The following PPP3CC variants were observed in gnomAD, a reference collection of about 807,000 sequenced individuals.
PPP3CC encodes the protein protein phosphatase 3 catalytic subunit gamma, also known as serine/threonine-protein phosphatase 2B catalytic subunit gamma isoform.
PPP3CC carries 35 observed loss-of-function variants against 60.3 expected under a neutral mutation model. The observed-to-expected ratio is 0.58, with a 90% CI of 0.44 to 0.77. PPP3CC has a LOEUF of 0.77. PPP3CC is among the 30% of genes least tolerant of loss of function. The pLI is 0.00. For missense variants in PPP3CC, 570 were observed against 628.9 expected (o/e 0.91, Z 1.00); for synonymous variants, 206 against 224.3 (o/e 0.92, Z 0.73).
intron 3 of PPP3CC, among the ~76,000 whole-genome samples, chr8:22,496,555 C>T (rs574763244): frequency 3.3e-5 from 4 of 121,728 alleles, no homozygotes; most frequent in South Asian, 2.7e-4. Context: ...TGGAGTGCAG[C>T]GGTATGATCT....
At chr8:22,502,059 C>T (rs2449348) in intron 4 of PPP3CC, among the ~76,000 whole-genome samples, 66,514 of 151,866 alleles carry the variant, frequency 0.44, 14,767 homozygotes, top group East Asian at 0.6. Flanking sequence ...TAAATGTTCA[C>T]CTGATTAGAT....
intron 4 of PPP3CC, among the ~76,000 whole-genome samples, chr8:22,506,231 T>G (rs529191092): frequency 1.1e-3 from 163 of 151,204 alleles, no homozygotes; most frequent in African/African-American, 3.7e-3. Context: ...AGCCCAAGAG[T>G]TTGAGACCAT....
intron 10 of PPP3CC, among the ~76,000 whole-genome samples, chr8:22,529,940 G>T (rs1056396818): frequency 3.3e-5 from 5 of 152,160 alleles, no homozygotes; most frequent in African/African-American, 1.2e-4. Flanking sequence ...AGAGATTCTG[G>T]AAAAGTGGTG....
chr8:22,499,266 C>T (rs1425195764), intron 4 of PPP3CC, among the ~76,000 whole-genome samples: 4 of 150,302 alleles, frequency 2.7e-5, no homozygotes, highest in East Asian at 3.9e-4. Context: ...GGTGAAACCC[C>T]GTCTCTACTA....
At chr8:22,488,176 A>G (rs181870017) in intron 3 of PPP3CC, among the ~76,000 whole-genome samples, 242 of 152,300 alleles carry the variant, frequency 1.6e-3, no homozygotes, top group African/African-American at 5.6e-3. Context: ...AGGTAGGTAT[A>G]GAAAAGAGAA....
At chr8:22,448,890 A>G (rs1045602146) in intron 1 of PPP3CC, among the ~76,000 whole-genome samples, 1 of 152,240 alleles carries the variant, frequency 6.6e-6, no homozygotes, top group Non-Finnish European at 1.5e-5. Flanking sequence ...AGGTAAGAGC[A>G]TATGGGTGTT....
chr8:22,514,223 G>C (rs1490898708), intron 6 of PPP3CC, among the ~76,000 whole-genome samples: 2 of 130,708 alleles, frequency 1.5e-5, no homozygotes, highest in African/African-American at 3.0e-5. Context: ...ACACCAACCT[G>C]TGCAACAGAG....
intron 1 of PPP3CC, among the ~76,000 whole-genome samples, chr8:22,448,819 A>G (rs918340053): frequency 8.1e-5 from 12 of 148,092 alleles, no homozygotes; most frequent in African/African-American, 3.1e-4. Flanking sequence ...TAAATTGTTC[A>G]AAAAAAAATC....
intron 4 of PPP3CC, among the ~76,000 whole-genome samples, chr8:22,506,131 T>C (rs1443294206): frequency 6.6e-6 from 1 of 152,146 alleles, no homozygotes; most frequent in Admixed American, 6.5e-5. Context: ...GAATTTCATC[T>C]CCTGCTTTTA....
chr8:22,465,099 A>G (rs1837479700), intron 1 of PPP3CC, among the ~76,000 whole-genome samples: 1 of 151,150 alleles, frequency 6.6e-6, no homozygotes, highest in African/African-American at 2.4e-5. Context: ...CTGGGACTCC[A>G]GGCTTGTGAC....
intron 3 of PPP3CC, chr8:22,492,950 T>A (rs1296387565): frequency 1.6e-6 from 2 of 1,255,226 alleles, no homozygotes; most frequent in East Asian, 4.6e-5. Context: ...ACTGTCTGAC[T>A]AGTTTAAGGA....
intron 3 of PPP3CC, among the ~76,000 whole-genome samples, chr8:22,497,095 TCTTGGCTTATGG>T (rs1431348486): frequency 6.6e-6 from 1 of 152,146 alleles, no homozygotes; most frequent in Non-Finnish European, 1.5e-5. Context: ...AGTGGCATGA[TCTTGGCTTATGG>T]CAACCTCCGC....
At chr8:22,457,537 G>A (rs1462821823) in intron 1 of PPP3CC, among the ~76,000 whole-genome samples, 2 of 151,080 alleles carry the variant, frequency 1.3e-5, no homozygotes, top group Non-Finnish European at 2.9e-5. Flanking sequence ...TGAACTCCAG[G>A]CCTCAAGCGA....
At chr8:22,522,883 A>ACT in intron 8 of PPP3CC, 134 bp downstream of exon 8, 1 of 632,196 alleles carries the variant, frequency 1.6e-6, no homozygotes, top group Non-Finnish European at 2.6e-6. Flanking sequence ...GTCTTAGTTG[A>ACT]AACAAAGGCC....
rs1319180393 is a variant in PPP3CC at position 22,532,273 on chromosome 8, T to C, written c.1190T>C (p.Ile397Thr). The change falls in exon 11 of 14, where the codon ATT (isoleucine) becomes ACT (threonine). Residue 397 changes from isoleucine to threonine, a missense_variant. Physicochemically the swap from Ile to Thr is moderately conservative, Grantham distance 89. Transcript: ENST00000240139. ...KEIIRNKIRA[I>T]GKMARVFSIL... ...ATCATCAGGAATAAGATCAGAGCCA[T>C]TGGGAAGATGGCACGGGTCTTTTCA... The C allele has an allele frequency of 1.2e-6, 2 of 1,613,448 alleles. No individual in the cohort carries two copies. The highest frequency in any genetic ancestry group is 1.7e-6 in the Non-Finnish European group (2 of 1,179,356).
intron 3 of PPP3CC, among the ~76,000 whole-genome samples, 170 bp from the exon 4 acceptor site, chr8:22,497,831 G>C (rs1324437411): frequency 6.6e-6 from 1 of 152,138 alleles, no homozygotes; most frequent in Admixed American, 6.6e-5. Context: ...TTTCTATGAA[G>C]GCTTGTCAAA....
intron 1 of PPP3CC, among the ~76,000 whole-genome samples, chr8:22,453,815 A>T (rs1422373278): frequency 1.3e-5 from 2 of 152,216 alleles, no homozygotes; most frequent in Non-Finnish European, 2.9e-5. Context: ...GTATCTAAAC[A>T]TATCTAAACC....
chr8:22,477,347 G>T (rs1321963787), intron 3 of PPP3CC, among the ~76,000 whole-genome samples: 1 of 151,964 alleles, frequency 6.6e-6, no homozygotes, highest in African/African-American at 2.4e-5. Flanking sequence ...CATGGTGGTG[G>T]GCGCCTGTAA....
At chr8:22,442,463 G>T (rs1836700355) in intron 1 of PPP3CC, among the ~76,000 whole-genome samples, 1 of 152,118 alleles carries the variant, frequency 6.6e-6, no homozygotes, top group African/African-American at 2.4e-5. Flanking sequence ...AAGGTGAAAC[G>T]CCTTATTGCA....
Sources: allele counts gnomAD v4.1 joint callset (sites outside exome capture counted in the v4.1 genomes callset), GRCh38; gene constraint gnomAD v4.1.1; transcripts MANE v1.5; gene names NCBI Gene and HGNC (gene_info 2026-07-23, HGNC 2026-07-21).